Variants in KSR2 observed in about 807,000 individuals in gnomAD.
KSR2 encodes the protein kinase suppressor of ras 2.
KSR2 carries 25 observed loss-of-function variants against 107.8 expected under a neutral mutation model. The ratio of observed to expected loss-of-function variants is 0.23; its 90% CI spans 0.17 to 0.32. The LOEUF is 0.32. Ranked by LOEUF, KSR2 falls within the 10% of genes least tolerant of loss-of-function variation. The pLI, the probability that KSR2 is intolerant of heterozygous loss-of-function variation, is 1.00. For missense variants in KSR2, 887 were observed against 1,268.9 expected, an observed-to-expected ratio of 0.70 and a Z score of 4.57; for synonymous variants, 480 against 507.0, an observed-to-expected ratio of 0.95 and a Z score of 0.71.
intron 4 of KSR2, among the ~76,000 whole-genome samples, chr12:117,736,478 C>A (rs369719129): frequency 8.5e-5 from 13 of 152,220 alleles, no homozygotes; most frequent in African/African-American, 2.4e-4. Flanking sequence ...AAGTCTCATC[C>A]CATCCTCGTC....
chr12:117,722,146 C>G (rs1193593487), intron 4 of KSR2, among the ~76,000 whole-genome samples: 1 of 152,076 alleles, frequency 6.6e-6, no homozygotes, highest in Non-Finnish European at 1.5e-5. Context: ...GTAGCTGGGA[C>G]TACAGTTGCA....
chr12:117,731,769 TC>T (rs925169602), intron 4 of KSR2, among the ~76,000 whole-genome samples: 3 of 151,758 alleles, frequency 2.0e-5, no homozygotes, highest in Non-Finnish European at 4.4e-5. Flanking sequence ...ATGTGCTGTG[TC>T]CACTCAGGGT....
At chr12:117,532,012 A>G (rs937488373) in intron 10 of KSR2, among the ~76,000 whole-genome samples, 1 of 152,224 alleles carries the variant, frequency 6.6e-6, no homozygotes, top group South Asian at 2.1e-4. Flanking sequence ...ACACACACAC[A>G]GAAAAACTCT....
At chr12:117,823,143 G>A (rs1389635245) in intron 3 of KSR2, among the ~76,000 whole-genome samples, 1 of 152,070 alleles carries the variant, frequency 6.6e-6, no homozygotes, top group African/African-American at 2.4e-5. Flanking sequence ...GTGGCTGGAG[G>A]GTGTGGAGTA....
intron 1 of KSR2, among the ~76,000 whole-genome samples, chr12:117,957,095 A>G (rs1896539201): frequency 6.6e-6 from 1 of 152,180 alleles, no homozygotes; most frequent in Non-Finnish European, 1.5e-5. Context: ...ACCTCTAATC[A>G]CATCATTACC....
chr12:117,558,407 A>G (rs1461653243), intron 8 of KSR2, 99 bp downstream of exon 8: 1 of 798,636 alleles, frequency 1.3e-6, no homozygotes, highest in Non-Finnish European at 2.2e-6. Flanking sequence ...GTGGGGATCA[A>G]GAGGTATTCA....
At chr12:117,893,736 G>T (rs1032582040) in intron 1 of KSR2, among the ~76,000 whole-genome samples, 1 of 152,180 alleles carries the variant, frequency 6.6e-6, no homozygotes, top group African/African-American at 2.4e-5. Context: ...CACAATATCT[G>T]GGAGAGAGGT....
intron 1 of KSR2, among the ~76,000 whole-genome samples, chr12:117,888,075 A>G (rs1466684457): frequency 6.6e-6 from 1 of 152,218 alleles, no homozygotes; most frequent in Non-Finnish European, 1.5e-5. Flanking sequence ...AATGCTTCGT[A>G]ACAATATTTC....
chr12:117,548,622 T>G (rs981345470), intron 9 of KSR2, among the ~76,000 whole-genome samples: 7 of 152,058 alleles, frequency 4.6e-5, no homozygotes, highest in African/African-American at 1.7e-4. Flanking sequence ...TTTTCAACTG[T>G]GGGGGTGGGG....
chr12:117,728,513 C>T (rs560489498), intron 4 of KSR2, among the ~76,000 whole-genome samples: 2 of 152,154 alleles, frequency 1.3e-5, no homozygotes, highest in Admixed American at 6.5e-5. Context: ...TTCTGAGAGG[C>T]CCCTCTGGCT....
At chr12:117,671,571 C>T (rs1206966417) in intron 4 of KSR2, among the ~76,000 whole-genome samples, 1 of 152,220 alleles carries the variant, frequency 6.6e-6, no homozygotes. Flanking sequence ...GCACACATCA[C>T]ATTCCCTTCT....
chr12:117,541,197 G>A (rs1159375144), intron 9 of KSR2, among the ~76,000 whole-genome samples: 1 of 147,384 alleles, frequency 6.8e-6, no homozygotes, highest in African/African-American at 2.6e-5. Flanking sequence ...GGAATGGTAG[G>A]CAGGGAGGAA....
At position 117,797,781 on chromosome 12, in the gene KSR2, A is replaced by G. The variant is rs952308937; in HGVS notation, c.473-36257T>C. 2.0e-5 allele frequency among the ~76,000 whole-genome samples: 3 copies of G among 149,846 alleles called. No homozygotes were observed. The Admixed American group carries it at 2.1e-4, about 10-fold the overall frequency. Reference sequence around the variant, plus strand: ...AACCATCCTTCCACCTCAGCCTCCCAAGTAGCTGGGACCACAGGTGCGCAC... The same window carrying G: ...AACCATCCTTCCACCTCAGCCTCCCGAGTAGCTGGGACCACAGGTGCGCAC... On this transcript the variant is annotated intron_variant, in intron 3 of 19. Coordinates refer to ENST00000339824, the MANE Select transcript of KSR2 (RefSeq NM_173598.6).
chr12:117,829,670 G>C (rs1159861707), intron 3 of KSR2, among the ~76,000 whole-genome samples: 1 of 152,344 alleles, frequency 6.6e-6, no homozygotes. Context: ...GGACTGGACA[G>C]TAAAGATGTT....
intron 5 of KSR2, among the ~76,000 whole-genome samples, chr12:117,636,384 T>C (rs1166120714): frequency 6.6e-6 from 1 of 151,514 alleles, no homozygotes; most frequent in Non-Finnish European, 1.5e-5. Context: ...TGGAGATATA[T>C]ATATATGTAA....
intron 5 of KSR2, among the ~76,000 whole-genome samples, chr12:117,639,760 G>A (rs1197632044): frequency 6.6e-6 from 1 of 151,812 alleles, no homozygotes; most frequent in African/African-American, 2.4e-5. Context: ...CATGGTGGGA[G>A]AAATGTCCTC....
intron 1 of KSR2, among the ~76,000 whole-genome samples, chr12:117,939,182 T>A (rs1393037254): frequency 6.6e-6 from 1 of 152,162 alleles, no homozygotes; most frequent in African/African-American, 2.4e-5. Flanking sequence ...AATACCTGAT[T>A]GAGGAATTGT....
chr12:117,725,554 A>G (rs995995623), intron 4 of KSR2, among the ~76,000 whole-genome samples: 1 of 152,248 alleles, frequency 6.6e-6, no homozygotes. Context: ...TAATAAACCT[A>G]TCACAAAAGC....
chr12:117,725,111 CA>C (rs1185131703), intron 4 of KSR2, among the ~76,000 whole-genome samples: 10 of 151,812 alleles, frequency 6.6e-5, no homozygotes, highest in Non-Finnish European at 1.3e-4. Flanking sequence ...CACACACACA[CA>C]CCCCAAAAAC....
Sources: allele counts gnomAD v4.1 joint callset (sites outside exome capture counted in the v4.1 genomes callset), GRCh38; gene constraint gnomAD v4.1.1; transcripts MANE v1.5; gene names NCBI Gene and HGNC (gene_info 2026-07-23, HGNC 2026-07-21).